Variants in SLC25A21 observed in about 807,000 individuals in gnomAD.
SLC25A21 encodes mitochondrial 2-oxodicarboxylate carrier.
In SLC25A21, 47 loss-of-function variants were observed where a neutral mutation model predicts 43.8. The ratio of observed to expected loss-of-function variants is 1.07; its 90% CI spans 0.85 to 1.37. The LOEUF is 1.37. Among genes scored for constraint, SLC25A21 ranks in the 40% most tolerant of loss-of-function variants. The probability of loss-of-function intolerance (pLI) is 0.00; values close to 1 mark genes in which losing one functional copy is unlikely to be tolerated. For synonymous variants in SLC25A21, 131 were observed against 121.3 expected, an observed-to-expected ratio of 1.08 and a Z score of -0.52; for missense variants, 352 against 350.2, an observed-to-expected ratio of 1.00 and a Z score of -0.04.
At chr14:37,137,109 T>TCCC (rs1963494844) in intron 1 of SLC25A21, among the ~76,000 whole-genome samples, 2 of 152,224 alleles carry the variant, frequency 1.3e-5, no homozygotes, top group African/African-American at 2.4e-5. Flanking sequence ...CACGCCACTC[T>TCCC]GCCTCAGCCT....
intron 1 of SLC25A21, among the ~76,000 whole-genome samples, chr14:37,073,941 A>T (rs1485934267): frequency 6.6e-6 from 1 of 151,670 alleles, no homozygotes; most frequent in Non-Finnish European, 1.5e-5. Context: ...AAAAAAAAAA[A>T]ATCATTTTGT....
intron 3 of SLC25A21, among the ~76,000 whole-genome samples, chr14:36,749,613 A>G (rs961489403): frequency 1.3e-5 from 2 of 152,086 alleles, no homozygotes; most frequent in Non-Finnish European, 2.9e-5. Context: ...GCTGCATTCT[A>G]CCTTCCCATT....
intron 1 of SLC25A21, among the ~76,000 whole-genome samples, chr14:36,907,358 TTG>T (rs1891563306): frequency 6.6e-6 from 1 of 152,138 alleles, no homozygotes; most frequent in African/African-American, 2.4e-5. Context: ...TGTTGGTTGG[TTG>T]GTTGGTTTTG....
chr14:37,037,248 C>T (rs1326405767), intron 1 of SLC25A21, among the ~76,000 whole-genome samples: 1 of 152,210 alleles, frequency 6.6e-6, no homozygotes, highest in Non-Finnish European at 1.5e-5. Context: ...AAATCCCCTT[C>T]CTCGGCAGAA....
chr14:36,942,366 T>C (rs1192197889), intron 1 of SLC25A21, among the ~76,000 whole-genome samples: 2 of 152,188 alleles, frequency 1.3e-5, no homozygotes, highest in Non-Finnish European at 2.9e-5. Context: ...CGCTGAACTA[T>C]CTTGGGACAA....
At chr14:36,876,940 C>G (rs3985276) in intron 1 of SLC25A21, among the ~76,000 whole-genome samples, 68,111 of 130,520 alleles carry the variant, frequency 0.52, 16,284 homozygotes, top group Non-Finnish European at 0.56. Flanking sequence ...TAGATAGATA[C>G]ACACACACAC....
rs568419666 is a variant in SLC25A21, at chr14:37,105,733, T to C, written c.70+66548A>G. 3.3e-5 allele frequency among the ~76,000 whole-genome samples: 5 copies of C among 152,232 alleles called. No individual in the cohort carries two copies. The South Asian group carries it at 6.2e-4, about 19-fold the overall frequency. On this transcript the variant is annotated intron_variant, in intron 1 of 9. Transcript: ENST00000331299. The stretch of plus-strand genomic sequence containing the variant: ...AAAGAAAGACATAAAGGTCTATTAT[T>C]AGCAGAATAGAATAGAATTAGTAGA...
At chr14:36,892,762 A>T (rs1433539579) in intron 1 of SLC25A21, among the ~76,000 whole-genome samples, 4 of 151,838 alleles carry the variant, frequency 2.6e-5, no homozygotes, top group Admixed American at 6.6e-5. Flanking sequence ...TGTGTTCTCA[A>T]TGTTCAATTC....
At chr14:37,084,971 GCATGATAATACA>G (rs1962456195) in intron 1 of SLC25A21, among the ~76,000 whole-genome samples, 1 of 151,934 alleles carries the variant, frequency 6.6e-6, no homozygotes, top group Non-Finnish European at 1.5e-5. Context: ...TTTGTAACTG[GCATGATAATACA>G]CATGAGGTTC....
At chr14:36,768,406 T>C (rs1277400954) in intron 3 of SLC25A21, among the ~76,000 whole-genome samples, 1 of 152,160 alleles carries the variant, frequency 6.6e-6, no homozygotes, top group Non-Finnish European at 1.5e-5. Flanking sequence ...GATTACCAAT[T>C]TTTTTAATTA....
intron 6 of SLC25A21, among the ~76,000 whole-genome samples, chr14:36,719,303 C>G (rs1368160087): frequency 2.6e-5 from 4 of 152,166 alleles, no homozygotes; most frequent in Non-Finnish European, 5.9e-5. Flanking sequence ...CAGCAAGCTA[C>G]AAAGTCACAT....
chr14:37,128,558 G>GTGTGTGTA (rs1963338234), intron 1 of SLC25A21, among the ~76,000 whole-genome samples: 1 of 150,932 alleles, frequency 6.6e-6, no homozygotes, highest in Non-Finnish European at 1.5e-5. Context: ...GTGTGTGTGT[G>GTGTGTGTA]TGTGTGTGTG....
intron 2 of SLC25A21, among the ~76,000 whole-genome samples, chr14:36,860,395 G>A (rs1890033470): frequency 6.6e-6 from 1 of 152,148 alleles, no homozygotes; most frequent in African/African-American, 2.4e-5. Flanking sequence ...GTAGGGAAAT[G>A]CCCTCAGTTT....
intron 1 of SLC25A21, among the ~76,000 whole-genome samples, chr14:37,075,475 C>T (rs1033807769): frequency 1.3e-5 from 2 of 152,122 alleles, no homozygotes; most frequent in Non-Finnish European, 2.9e-5. Flanking sequence ...AAAATAGAAA[C>T]TTCCATTTAT....
chr14:37,021,616 G>A (rs1225691793), intron 1 of SLC25A21, among the ~76,000 whole-genome samples: 2 of 151,870 alleles, frequency 1.3e-5, no homozygotes, highest in East Asian at 3.9e-4. Context: ...AAATCAACAG[G>A]CTGAGCTCTC....
intron 1 of SLC25A21, among the ~76,000 whole-genome samples, chr14:37,048,978 T>C (rs1961648142): frequency 6.6e-6 from 1 of 152,192 alleles, no homozygotes; most frequent in Admixed American, 6.5e-5. Flanking sequence ...GGGTTTGCTT[T>C]TGTTTCTGTT....
chr14:36,750,732 T>G (rs1022014574), intron 3 of SLC25A21, among the ~76,000 whole-genome samples: 11 of 152,110 alleles, frequency 7.2e-5, no homozygotes, highest in Non-Finnish European at 1.5e-4. Context: ...CCAAAACTAC[T>G]CTATCACGCT....
intron 7 of SLC25A21, among the ~76,000 whole-genome samples, chr14:36,703,740 A>G (rs1318809472): frequency 6.6e-6 from 1 of 152,238 alleles, no homozygotes; most frequent in Admixed American, 6.5e-5. Flanking sequence ...AAAATTATTC[A>G]TGACATGTAG....
At chr14:36,744,419 C>T (rs994193099) in intron 3 of SLC25A21, among the ~76,000 whole-genome samples, 10 of 151,840 alleles carry the variant, frequency 6.6e-5, no homozygotes, top group African/African-American at 2.4e-4. Flanking sequence ...ACAAAGTTGA[C>T]AAAAATATAT....
Sources: allele counts gnomAD v4.1 joint callset (sites outside exome capture counted in the v4.1 genomes callset), GRCh38; gene constraint gnomAD v4.1.1; transcripts MANE v1.5; gene names NCBI Gene and HGNC (gene_info 2026-07-23, HGNC 2026-07-21).